Variants in MYO6 observed in about 807,000 individuals in gnomAD.
The protein encoded by MYO6 is myosin VI, also known as unconventional myosin-VI.
Under a neutral mutation model 178.7 loss-of-function variants are expected in MYO6, and 74 were observed. The ratio of observed to expected loss-of-function variants is 0.41; its 90% CI spans 0.34 to 0.50. The LOEUF (loss-of-function observed/expected upper bound fraction) is 0.50. Ranked by LOEUF, MYO6 falls within the 20% of genes least tolerant of loss-of-function variation. The pLI is 0.09. For synonymous variants in MYO6, 477 were observed against 504.6 expected (o/e 0.95, Z 0.73); for missense variants, 1,330 against 1,547.4 (o/e 0.86, Z 2.36).
rs186732232 is a variant in MYO6, at chr6:75,854,808, C to G, written c.1079-331C>G. Among the ~76,000 whole-genome samples, 6 of 152,226 alleles carry G rather than the reference C, an allele frequency of 3.9e-5. No homozygotes were observed. The East Asian group carries it at 1.2e-3, about 29-fold the overall frequency. ...ATATGAATTTTAATGATGAGATACT[C>G]TATTTCTCTAAAGAGTTAATATATT... On this transcript the variant is annotated intron_variant, in intron 11 of 34. Transcript: ENST00000369977.
chr6:75,787,716 CTCTCTCTCTCTCTCTATA>C lies in MYO6; in HGVS notation c.-47-29783_-47-29766del, dbSNP rs71002766. On this transcript the variant is annotated intron_variant, in intron 1 of 34. Coordinates refer to ENST00000369977, the MANE Select transcript of MYO6 (RefSeq NM_004999.4). ...TCTCTCTCTCTCTCTCTCTCTCTCT[CTCTCTCTCTCTCTCTATA>C]TATATATATATATATATATATATAT... Among the ~76,000 whole-genome samples, 353 of 51,582 alleles carry C rather than the reference CTCTCTCTCTCTCTCTATA, an allele frequency of 6.8e-3. 1 individual carries two copies. Among genetic ancestry groups the C allele is most frequent in the Non-Finnish European group, 0.01 (285 of 27,636 alleles). 33.8% of individuals were successfully genotyped at this position (51,582 alleles called of 152,430 possible).
At chr6:75,759,590 T>G (rs989576939) in intron 1 of MYO6, among the ~76,000 whole-genome samples, 7 of 151,544 alleles carry the variant, frequency 4.6e-5, no homozygotes, top group Non-Finnish European at 1.0e-4. Context: ...TTTTTTTTTT[T>G]AAAGCTCATT....
At chr6:75,760,069 T>G (rs911723086) in intron 1 of MYO6, among the ~76,000 whole-genome samples, 5 of 152,324 alleles carry the variant, frequency 3.3e-5, no homozygotes, top group Admixed American at 2.6e-4. Context: ...TGGAATTTTT[T>G]TTGACAGCAA....
intron 18 of MYO6, among the ~76,000 whole-genome samples, chr6:75,870,289 G>A (rs796842556): frequency 3.9e-5 from 6 of 152,234 alleles, no homozygotes; most frequent in African/African-American, 1.4e-4. Context: ...CAAAGACTGT[G>A]CTATTGATCT....
At chr6:75,880,275 GA>G (rs567618905) in intron 22 of MYO6, among the ~76,000 whole-genome samples, 155 bp downstream of exon 22, 45 of 151,694 alleles carry the variant, frequency 3.0e-4, no homozygotes, top group African/African-American at 9.2e-4. Context: ...TCTCAGAAAA[GA>G]AAAAAAAGTT....
At chr6:75,866,399 A>G (rs1164701503) in intron 16 of MYO6, 127 bp from the exon 17 acceptor site, 1 of 714,474 alleles carries the variant, frequency 1.4e-6, no homozygotes. Flanking sequence ...TAAAAGCAGT[A>G]TAATTGTGAA....
intron 11 of MYO6, among the ~76,000 whole-genome samples, chr6:75,849,855 C>T (rs968780021): frequency 9.2e-5 from 14 of 152,156 alleles, no homozygotes; most frequent in Non-Finnish European, 1.8e-4. Flanking sequence ...GACCTTGCAG[C>T]GGCTTGGCAA....
At chr6:75,897,746 G>A (rs896305986) in intron 29 of MYO6, among the ~76,000 whole-genome samples, 2 of 152,152 alleles carry the variant, frequency 1.3e-5, no homozygotes, top group Admixed American at 6.5e-5. Flanking sequence ...AACAAAATTT[G>A]ATAAAAGTTA....
intron 18 of MYO6, among the ~76,000 whole-genome samples, chr6:75,867,919 A>AC (rs1776828091): frequency 6.6e-6 from 1 of 152,202 alleles, no homozygotes; most frequent in East Asian, 1.9e-4. Flanking sequence ...TGAATGACAA[A>AC]CTATAGTATG....
At position 75,889,580 on chromosome 6, in the gene MYO6, G is replaced by A. The variant is rs184709187; in HGVS notation, c.2659-477G>A. On this transcript the variant is annotated intron_variant, in intron 25 of 34. Coordinates refer to ENST00000369977, the MANE Select transcript of MYO6 (RefSeq NM_004999.4). ...GTACCACCATGCCCAGCTAATTTTT[G>A]TATTTTATTTTTATAAGAGACAGGG... Among the ~76,000 whole-genome samples the A allele has an allele frequency of 3.0e-3, 462 of 152,140 alleles. 4 individuals are homozygous for A. Among genetic ancestry groups the A allele is most frequent in the Non-Finnish European group, 4.9e-3 (335 of 67,994 alleles).
chr6:75,787,689 T>C (rs1258617082), intron 1 of MYO6, among the ~76,000 whole-genome samples: 25 of 23,096 alleles, frequency 1.1e-3, no homozygotes, highest in Non-Finnish European at 1.6e-3. Context: ...TCTCTCTCTC[T>C]CTCTCTCTCT....
chr6:75,914,409 T>G, intron 34 of MYO6, 128 bp downstream of exon 34: 1 of 952,950 alleles, frequency 1.0e-6, no homozygotes, highest in Non-Finnish European at 1.6e-6. Flanking sequence ...GTCTTGCGGT[T>G]AAATCACATT....
At chr6:75,845,463 C>T (rs1001471143) in intron 10 of MYO6, among the ~76,000 whole-genome samples, 4 of 151,958 alleles carry the variant, frequency 2.6e-5, no homozygotes, top group Admixed American at 6.6e-5. Flanking sequence ...GAGGCCAAGG[C>T]GGGAGGATCG....
chr6:75,842,624 C>G (rs1382782374), intron 9 of MYO6, among the ~76,000 whole-genome samples: 5 of 152,088 alleles, frequency 3.3e-5, no homozygotes, highest in Non-Finnish European at 7.4e-5. Flanking sequence ...TTCTAGAGCT[C>G]TCCAAATTAA....
chr6:75,892,822 AT>A (rs1437215986), intron 28 of MYO6, 132 bp downstream of exon 28: 1 of 927,626 alleles, frequency 1.1e-6, no homozygotes, highest in Non-Finnish European at 1.6e-6. Flanking sequence ...AGCTAAAATA[AT>A]TTTAAAATTA....
At chr6:75,862,160 A>G (rs1487010363) in intron 15 of MYO6, among the ~76,000 whole-genome samples, 2 of 152,254 alleles carry the variant, frequency 1.3e-5, no homozygotes, top group Non-Finnish European at 2.9e-5. Flanking sequence ...GAAAGAGCGT[A>G]AAAATGTGTT....
chr6:75,809,041 A>T (rs1250143446), intron 1 of MYO6, among the ~76,000 whole-genome samples: 1 of 152,218 alleles, frequency 6.6e-6, no homozygotes, highest in Admixed American at 6.5e-5. Flanking sequence ...AGAAGCAATG[A>T]GATATGCGTT....
chr6:75,822,507 C>CT (rs1771995010), intron 2 of MYO6, among the ~76,000 whole-genome samples: 2 of 127,852 alleles, frequency 1.6e-5, no homozygotes, highest in African/African-American at 2.6e-5. Context: ...TAATATACCT[C>CT]TTTTTTTGTC....
intron 14 of MYO6, among the ~76,000 whole-genome samples, chr6:75,859,729 G>A (rs1776036650): frequency 6.9e-6 from 1 of 145,186 alleles, no homozygotes; most frequent in Non-Finnish European, 1.5e-5. Context: ...GCGCGATCTC[G>A]GCTCACTGCA....
Sources: allele counts gnomAD v4.1 joint callset (sites outside exome capture counted in the v4.1 genomes callset), GRCh38; gene constraint gnomAD v4.1.1; transcripts MANE v1.5; gene names NCBI Gene and HGNC (gene_info 2026-07-23, HGNC 2026-07-21).